NOTCH2NLC: variants seen among roughly 807,000 people sequenced by gnomAD.
NOTCH2NLC encodes the protein notch homolog 2 N-terminal-like protein C.
A neutral mutation model predicts 17.7 loss-of-function variants in NOTCH2NLC; 4 were observed. That is an observed-to-expected ratio of 0.23 (90% confidence interval 0.11 to 0.52). The LOEUF is 0.52. NOTCH2NLC is among the 20% of genes least tolerant of loss of function. The probability of loss-of-function intolerance (pLI) is 0.96; values close to 1 mark genes in which losing one functional copy is unlikely to be tolerated. For synonymous variants in NOTCH2NLC, 18 were observed against 86.0 expected, an observed-to-expected ratio of 0.21 and a Z score of 4.38; for missense variants, 57 against 207.2, an observed-to-expected ratio of 0.28 and a Z score of 4.45.
intron 1 of NOTCH2NLC, among the ~76,000 whole-genome samples, chr1:149,416,333 C>A (rs2084335025): frequency 2.0e-5 from 1 of 49,062 alleles, no homozygotes; most frequent in Non-Finnish European, 4.0e-5. Context: ...GAGAAGCAGA[C>A]CAGATGAAGA....
At chr1:149,423,942 C>T (rs1353438009) in intron 1 of NOTCH2NLC, among the ~76,000 whole-genome samples, 3 of 149,882 alleles carry the variant, frequency 2.0e-5, no homozygotes, top group Admixed American at 6.7e-5. Context: ...TCAGATTACA[C>T]TGGCTGAAGT....
chr1:149,466,281 A>G lies in NOTCH2NLC; in HGVS notation c.*2128A>G, dbSNP rs2084683706. 6.7e-6 allele frequency: 1 copy of G among 149,760 alleles called. No individual in the cohort carries two copies. Among genetic ancestry groups the G allele is most frequent in the Admixed American group, 6.7e-5 (1 of 14,944 alleles). 9.3% of individuals were successfully genotyped at this position (149,760 alleles called of 1,614,324 possible). ...GTGTGTGTGTGTGTGTGTGTGGTAT[A>G]TATATATATATCGCATTGTGCAGAT... On this transcript the variant is annotated 3_prime_UTR_variant, in exon 5 of 5. Coordinates refer to ENST00000650865, the MANE Select transcript of NOTCH2NLC (RefSeq NM_001364013.2).
chr1:149,416,522 G>T (rs2084336015), intron 1 of NOTCH2NLC, among the ~76,000 whole-genome samples: 1 of 88,972 alleles, frequency 1.1e-5, no homozygotes, highest in Non-Finnish European at 2.2e-5. Flanking sequence ...ATAAAATGAT[G>T]ATGGGTTACC....
intron 1 of NOTCH2NLC, among the ~76,000 whole-genome samples, chr1:149,409,276 A>C (rs1367194453): frequency 1.3e-5 from 2 of 150,420 alleles, no homozygotes; most frequent in African/African-American, 4.9e-5. Context: ...AAATTAAAAA[A>C]TTTGAATATC....
intron 1 of NOTCH2NLC, among the ~76,000 whole-genome samples, chr1:149,426,545 G>A: frequency 7.7e-6 from 1 of 130,168 alleles, no homozygotes; most frequent in Non-Finnish European, 1.6e-5. Context: ...ATGATGGAGT[G>A]ATGAGATTGA....
chr1:149,460,861 TTCTTTCTTTCTTTC>T (rs1440572535), intron 3 of NOTCH2NLC, among the ~76,000 whole-genome samples: 2 of 2,692 alleles, frequency 7.4e-4, no homozygotes, highest in African/African-American at 1.5e-3. Flanking sequence ...CTCCCTTTCT[TTCTTTCTTTCTTTC>T]TTTCTTTCTT....
chr1:149,467,389 T>C lies in NOTCH2NLC; in HGVS notation c.*3236T>C, dbSNP rs1227539654. On this transcript the variant is annotated 3_prime_UTR_variant, in exon 5 of 5. Transcript: ENST00000650865. The stretch of plus-strand genomic sequence containing the variant: ...GTCACTGTGAGTATTTTAGTATTAC[T>C]GTAGGACTCAAGAGGGAATTAAAAC... 1 of 145,052 alleles carries C rather than the reference T, an allele frequency of 6.9e-6. No individual in the cohort carries two copies. Among genetic ancestry groups the C allele is most frequent in the Non-Finnish European group, 1.5e-5 (1 of 66,386 alleles). The allele number at this position is 145,052 out of a possible 1,614,324, so 9.0% of individuals were successfully genotyped here. A position where few individuals can be genotyped will look rare whatever the true frequency, so the allele number is the denominator to read the frequency against.
rs2084574554 is a variant in NOTCH2NLC at position 149,449,141 on chromosome 1, A to G, written c.210-6177A>G. On this transcript the variant is annotated intron_variant, in intron 2 of 4. Coordinates refer to ENST00000650865, the MANE Select transcript of NOTCH2NLC (RefSeq NM_001364013.2). ...GGTGATCTGCCTGCCTCGGCCTCCC[A>G]AAGTGCTGAGATTACTGGTGTGAGC... 2.0e-5 allele frequency among the ~76,000 whole-genome samples: 3 copies of G among 150,554 alleles called. No individual in the cohort carries two copies. The South Asian group carries it at 6.3e-4, about 32-fold the overall frequency.
chr1:149,446,440 A>G (rs2084553667), intron 2 of NOTCH2NLC, among the ~76,000 whole-genome samples: 1 of 138,000 alleles, frequency 7.2e-6, no homozygotes. Context: ...ATCCAACCCC[A>G]TGCGTATGTT....
intron 1 of NOTCH2NLC, among the ~76,000 whole-genome samples, chr1:149,412,798 G>T (rs1230311959): frequency 1.0e-5 from 1 of 95,666 alleles, no homozygotes; most frequent in South Asian, 5.0e-4. Context: ...GGGCAATAGA[G>T]AGAGACTGCA....
rs1254557433 is a variant in NOTCH2NLC, at chr1:149,446,366, T to C, written c.210-8952T>C. On this transcript the variant is annotated intron_variant, in intron 2 of 4. Coordinates refer to ENST00000650865, the MANE Select transcript of NOTCH2NLC (RefSeq NM_001364013.2). ...AGGGGTATCCTTCAAATGGAATGTT[T>C]TCTAGTTCCATTAGGAGGAATCCCT... Among the ~76,000 whole-genome samples, 92 of 105,266 alleles carry C rather than the reference T, an allele frequency of 8.7e-4. 1 individual carries two copies. The highest frequency in any genetic ancestry group is 0.01 in the Middle Eastern group (2 of 198). 69.1% of individuals were successfully genotyped at this position (105,266 alleles called of 152,430 possible).
At chr1:149,440,173 C>T (rs2084508405) in intron 2 of NOTCH2NLC, among the ~76,000 whole-genome samples, 1 of 150,314 alleles carries the variant, frequency 6.7e-6, no homozygotes, top group South Asian at 2.1e-4. Context: ...CCTGCAGTCA[C>T]TGTCTATAAT....
intron 1 of NOTCH2NLC, among the ~76,000 whole-genome samples, chr1:149,392,679 C>T (rs1305670892): frequency 3.3e-5 from 5 of 151,334 alleles, no homozygotes; most frequent in Non-Finnish European, 7.4e-5. Context: ...ACTTAATCTT[C>T]ATGATATGTA....
At chr1:149,393,719 C>T (rs2084190245) in intron 1 of NOTCH2NLC, among the ~76,000 whole-genome samples, 1 of 141,534 alleles carries the variant, frequency 7.1e-6, no homozygotes, top group Non-Finnish European at 1.5e-5. Flanking sequence ...TAACCTAAAA[C>T]TATTTTTCCT....
intron 1 of NOTCH2NLC, among the ~76,000 whole-genome samples, chr1:149,429,807 G>C (rs1191175790): frequency 4.0e-5 from 6 of 150,518 alleles, no homozygotes; most frequent in African/African-American, 1.5e-4. Flanking sequence ...GCATAGAGTG[G>C]TGTGGGTAGA....
At chr1:149,457,609 G>A (rs1223781410) in intron 3 of NOTCH2NLC, among the ~76,000 whole-genome samples, 1 of 150,538 alleles carries the variant, frequency 6.6e-6, no homozygotes, top group African/African-American at 2.4e-5. Flanking sequence ...ACAATAGGCT[G>A]TCTGCAGGCT....
intron 2 of NOTCH2NLC, among the ~76,000 whole-genome samples, chr1:149,445,897 G>GT (rs1334626546): frequency 1.0e-4 from 9 of 86,100 alleles, no homozygotes; most frequent in Middle Eastern, 7.5e-3. Flanking sequence ...CCAAATCCTC[G>GT]TTTTAAAAAA....
chr1:149,440,028 G>A (rs1229279812), intron 2 of NOTCH2NLC, among the ~76,000 whole-genome samples: 1 of 148,928 alleles, frequency 6.7e-6, no homozygotes, highest in South Asian at 2.1e-4. Flanking sequence ...TTCAACTAGA[G>A]CATTCTATCC....
Position 149,470,223 on chromosome 1 carries a change from C to G in NOTCH2NLC, c.*6070C>G, listed in dbSNP as rs1255527172. On this transcript the variant is annotated 3_prime_UTR_variant, in exon 5 of 5. Transcript: ENST00000650865. ...CATCTGTAACATAAAAGGATTAGAG[C>G]AGACAATCTCTAACAAATGCTATAA... Among the ~76,000 whole-genome samples, 1 of 151,260 alleles carries G rather than the reference C, an allele frequency of 6.6e-6. No homozygotes were observed. Among genetic ancestry groups the G allele is most frequent in the African/African-American group, 2.4e-5 (1 of 41,198 alleles).
Sources: allele counts gnomAD v4.1 joint callset (sites outside exome capture counted in the v4.1 genomes callset), GRCh38; gene constraint gnomAD v4.1.1; transcripts MANE v1.5; gene names NCBI Gene and HGNC (gene_info 2026-07-23, HGNC 2026-07-21).